TTLL7: variants seen among roughly 807,000 people sequenced by gnomAD.
TTLL7 encodes the protein tubulin polyglutamylase TTLL7.
TTLL7 carries 53 observed loss-of-function variants against 120.2 expected under a neutral mutation model. The ratio of observed to expected loss-of-function variants is 0.44; its 90% CI spans 0.35 to 0.55. The LOEUF is 0.55. Ranked by LOEUF, TTLL7 falls within the 20% of genes least tolerant of loss-of-function variation. The pLI is 0.00. For synonymous variants in TTLL7, 353 were observed against 351.7 expected, an observed-to-expected ratio of 1.00 and a Z score of -0.04; for missense variants, 803 against 1,054.7, an observed-to-expected ratio of 0.76 and a Z score of 3.31.
At chr1:83,907,686 A>C (rs1657320748) in intron 15 of TTLL7, 25 bp from the exon 16 acceptor site, 2 of 1,600,564 alleles carry the variant, frequency 1.2e-6, no homozygotes, top group Admixed American at 1.7e-5. Flanking sequence ...GAAGAGGGAT[A>C]CTACAGTAGC....
In TTLL7 at chr1:83,882,963, C is replaced by G; in HGVS notation, c.2543G>C (p.Arg848Thr). The G allele has an allele frequency of 6.2e-7, 1 of 1,609,188 alleles. No homozygotes were observed. Among genetic ancestry groups the G allele is most frequent in the East Asian group, 2.2e-5 (1 of 44,702 alleles). The change falls in exon 20 of 21, where the codon AGG becomes ACG. Residue 848 changes from arginine (R) to threonine (T), a missense_variant and splice_region_variant. Transcript: ENST00000260505. ...AGGGTTAGAGAATGTGAACAAGTAC[C>G]TGGAATTACCCCAGTCAGGACCAAT... ...SGIGPDWGNS[R>T]YLLPGSTQFF...
At chr1:83,888,439 G>GT (rs973567828) in intron 19 of TTLL7, among the ~76,000 whole-genome samples, 1 of 151,872 alleles carries the variant, frequency 6.6e-6, no homozygotes, top group Non-Finnish European at 1.5e-5. Flanking sequence ...AAAAAAAATG[G>GT]TAAAAAGACT....
intron 19 of TTLL7, 135 bp downstream of exon 19, chr1:83,890,186 T>G (rs753046767): frequency 2.9e-5 from 24 of 827,286 alleles, no homozygotes; most frequent in Non-Finnish European, 4.1e-5. Context: ...TAAATTATAG[T>G]TGAGTACTAA....
intron 8 of TTLL7, among the ~76,000 whole-genome samples, chr1:83,937,231 T>G (rs1647487034): frequency 6.6e-6 from 1 of 150,804 alleles, no homozygotes; most frequent in African/African-American, 2.4e-5. Context: ...GAGACCAAAA[T>G]CTTGCTCTGT....
At chr1:83,879,769 A>G (rs1410894693) in intron 20 of TTLL7, 1 of 152,012 alleles carries the variant, frequency 6.6e-6, no homozygotes, top group Non-Finnish European at 1.5e-5. Context: ...AATGATTATA[A>G]TCACAATACT....
At chr1:83,954,915 T>C (rs1649378812) in intron 1 of TTLL7, among the ~76,000 whole-genome samples, 1 of 151,406 alleles carries the variant, frequency 6.6e-6, no homozygotes, top group Non-Finnish European at 1.5e-5. Flanking sequence ...AAAATGATTT[T>C]TAAGATAAAG....
At chr1:83,972,411 G>T (rs540884195) in intron 1 of TTLL7, among the ~76,000 whole-genome samples, 1 of 152,080 alleles carries the variant, frequency 6.6e-6, no homozygotes, top group Admixed American at 6.6e-5. Context: ...TGCATTTAAG[G>T]TTCCATGTCT....
chr1:83,944,837 G>A (rs371205186), intron 6 of TTLL7, among the ~76,000 whole-genome samples: 1 of 152,198 alleles, frequency 6.6e-6, no homozygotes, highest in Non-Finnish European at 1.5e-5. Flanking sequence ...CACAGAAGGT[G>A]CAGAGATATA....
intron 18 of TTLL7, among the ~76,000 whole-genome samples, chr1:83,895,384 T>A (rs1476481314): frequency 6.6e-6 from 1 of 152,024 alleles, no homozygotes; most frequent in Non-Finnish European, 1.5e-5. Flanking sequence ...CTAAGCACTT[T>A]TACATATATT....
rs1462202208 is a variant in TTLL7, at chr1:83,889,724, A to T, written c.2369+597T>A. The stretch of plus-strand genomic sequence containing the variant: ...TTAGCACAAAAGTAAGTACTTGATG[A>T]TTGTTGAAAGTATGAATGGAAACAA... On this transcript the variant is annotated intron_variant, in intron 19 of 20. Coordinates refer to ENST00000260505, the MANE Select transcript of TTLL7 (RefSeq NM_024686.6). Among the ~76,000 whole-genome samples the T allele has an allele frequency of 2.6e-5, 4 of 152,218 alleles. No individual in the cohort carries two copies. In the East Asian group the frequency reaches 5.8e-4, roughly 22 times the overall value.
At chr1:83,967,821 C>T (rs891523577) in intron 1 of TTLL7, among the ~76,000 whole-genome samples, 13 of 151,590 alleles carry the variant, frequency 8.6e-5, no homozygotes, top group Admixed American at 3.9e-4. Context: ...ATTTCCAAAA[C>T]GCTGGAATGA....
intron 1 of TTLL7, among the ~76,000 whole-genome samples, chr1:83,972,271 A>AT (rs1433332349): frequency 4.0e-5 from 6 of 151,866 alleles, no homozygotes; most frequent in Admixed American, 3.9e-4. Context: ...ATCCTTCCCC[A>AT]TTCCCTCCCA....
At chr1:83,906,594 T>A in intron 16 of TTLL7, 131 bp from the exon 17 acceptor site, 1 of 1,374,328 alleles carries the variant, frequency 7.3e-7, no homozygotes, top group Admixed American at 2.1e-5. Flanking sequence ...AGGAAGAAAA[T>A]TTTCTTTTAC....
chr1:83,969,191 A>T (rs1391617007), intron 1 of TTLL7, among the ~76,000 whole-genome samples: 4 of 151,882 alleles, frequency 2.6e-5, no homozygotes, highest in African/African-American at 4.8e-5. Flanking sequence ...TAGGTAATAG[A>T]GTAATTTGGT....
intron 18 of TTLL7, among the ~76,000 whole-genome samples, chr1:83,898,728 T>G (rs891258792): frequency 4.0e-5 from 6 of 151,840 alleles, no homozygotes; most frequent in African/African-American, 1.4e-4. Flanking sequence ...AGAAAAAAAT[T>G]ATATATTAAA....
chr1:83,995,660 C>A (rs1367140958), intron 1 of TTLL7, among the ~76,000 whole-genome samples: 1 of 151,954 alleles, frequency 6.6e-6, no homozygotes, highest in Non-Finnish European at 1.5e-5. Context: ...GCAAGAATGG[C>A]CTAATATAAG....
At chr1:83,930,916 G>A (rs1659543952) in intron 9 of TTLL7, among the ~76,000 whole-genome samples, 1 of 151,608 alleles carries the variant, frequency 6.6e-6, no homozygotes. Context: ...CTATGAAGAG[G>A]TATACCCACA....
chr1:83,933,783 AAAG>A lies in TTLL7; in HGVS notation c.889-20_889-18del, dbSNP rs777913184. On this transcript the variant is annotated intron_variant, in intron 8 of 20. Coordinates refer to ENST00000260505, the MANE Select transcript of TTLL7 (RefSeq NM_024686.6). The stretch of plus-strand genomic sequence containing the variant: ...CACCAATTCCTATAAGATTGTGATA[AAAG>A]AAGTGAAAATGCCTTTGTATCTCAT... 3.8e-6 allele frequency: 6 copies of A among 1,591,794 alleles called. No individual in the cohort carries two copies.
intron 18 of TTLL7, among the ~76,000 whole-genome samples, chr1:83,892,228 GTATA>G (rs1185540162): frequency 7.2e-6 from 1 of 139,614 alleles, no homozygotes; most frequent in Non-Finnish European, 1.5e-5. Flanking sequence ...ATATATATGT[GTATA>G]TATATGAATA....
Sources: gnomAD v4.1 joint callset for allele counts (sites outside exome capture counted in the v4.1 genomes callset) on GRCh38, gnomAD v4.1.1 for gene constraint, MANE v1.5 for transcripts, NCBI Gene and HGNC (gene_info 2026-07-23, HGNC 2026-07-21) for gene names.